ZNF724: variants seen among roughly 807,000 people sequenced by gnomAD.
ZNF724 encodes the protein zinc finger protein 724.
In ZNF724, 14 loss-of-function variants were observed where a neutral mutation model predicts 29.3. The ratio of observed to expected loss-of-function variants is 0.48; its 90% CI spans 0.32 to 0.75. The LOEUF (loss-of-function observed/expected upper bound fraction) is 0.75, where lower values mean the gene tolerates loss of function less well. Ranked by LOEUF, ZNF724 falls within the 30% of genes least tolerant of loss-of-function variation. ZNF724 has a pLI of 0.04. For missense variants in ZNF724, 557 were observed against 571.2 expected, an observed-to-expected ratio of 0.98 and a Z score of 0.25; for synonymous variants, 180 against 193.6, an observed-to-expected ratio of 0.93 and a Z score of 0.58.
At chr19:23,246,271 CAATA>C (rs1386157974) in intron 1 of ZNF724, among the ~76,000 whole-genome samples, 2 of 152,180 alleles carry the variant, frequency 1.3e-5, no homozygotes, top group African/African-American at 2.4e-5. Context: ...TTCTTTCAGA[CAATA>C]AATACTTTAT....
In ZNF724 at chr19:23,232,238, C is replaced by T. The variant is rs1379776019; in HGVS notation, c.59G>A (p.Cys20Tyr). Reference sequence around the variant, plus strand: ...TAAATTCTGCTGTGCAGTGTCCAGGCATTGCCACTCCTCCACAGAGAATTC... The same window carrying T: ...TAAATTCTGCTGTGCAGTGTCCAGGTATTGCCACTCCTCCACAGAGAATTC... ...AIEFSVEEWQ[C>Y]LDTAQQNLYR... The change falls in exon 2 of 4, where the codon TGC becomes TAC. Residue 20 changes from cysteine to tyrosine, a missense_variant. Cys to Tyr is a radical substitution (Grantham distance 194, BLOSUM62 -2). Coordinates refer to ENST00000418100, the MANE Select transcript of ZNF724 (RefSeq NM_001355404.2). 1.5e-6 allele frequency: 2 copies of T among 1,304,510 alleles called. No individual in the cohort carries two copies. Among genetic ancestry groups the T allele is most frequent in the African/African-American group, 2.9e-5 (2 of 68,886 alleles). The allele number at this position is 1,304,510 out of a possible 1,614,324, so 80.8% of individuals were successfully genotyped here. A position where few individuals can be genotyped will look rare whatever the true frequency, so the allele number is the denominator to read the frequency against.
intron 3 of ZNF724, among the ~76,000 whole-genome samples, chr19:23,224,469 C>T (rs1224382062): frequency 6.6e-6 from 1 of 152,008 alleles, no homozygotes; most frequent in African/African-American, 2.4e-5. Context: ...ACCCTAATTT[C>T]CTTATAGACA....
At chr19:23,225,097 A>C (rs1406819117) in intron 3 of ZNF724, among the ~76,000 whole-genome samples, 1 of 152,256 alleles carries the variant, frequency 6.6e-6, no homozygotes, top group South Asian at 2.1e-4. Flanking sequence ...TTTCACACAT[A>C]ATTAAAAATA....
intron 1 of ZNF724, among the ~76,000 whole-genome samples, chr19:23,243,475 C>CAAAAAAAAAAAAAAAAAAAAAAAA (rs61241201): frequency 6.4e-5 from 2 of 31,208 alleles, no homozygotes; most frequent in African/African-American, 3.1e-4. Flanking sequence ...GAGTCCATCT[C>CAAAAAAAAAAAAAAAAAAAAAAAA]AAAAAAAAAA....
chr19:23,227,970 C>T (rs1037863756), intron 3 of ZNF724, among the ~76,000 whole-genome samples: 23 of 151,886 alleles, frequency 1.5e-4, no homozygotes, highest in African/African-American at 9.7e-5. Flanking sequence ...TTTCTTAACC[C>T]GACAGCAAGA....
At chr19:23,249,859 A>ACGCAGCG (rs1205342675) in intron 1 of ZNF724, among the ~76,000 whole-genome samples, 1 of 152,120 alleles carries the variant, frequency 6.6e-6, no homozygotes, top group East Asian at 1.9e-4. Context: ...ATAGGGGGAA[A>ACGCAGCG]GATGAACTGG....
intron 1 of ZNF724, among the ~76,000 whole-genome samples, chr19:23,234,412 T>TAG (rs1355649145): frequency 6.6e-6 from 1 of 152,118 alleles, no homozygotes; most frequent in African/African-American, 2.4e-5. Context: ...ACCAACCTAA[T>TAG]AGAAGTCCAG....
intron 3 of ZNF724, among the ~76,000 whole-genome samples, chr19:23,225,555 G>A (rs993764153): frequency 5.9e-5 from 9 of 152,026 alleles, no homozygotes; most frequent in Non-Finnish European, 1.0e-4. Context: ...CCAATGAGCC[G>A]AGATAGCACC....
Position 23,222,618 on chromosome 19 carries a change from A to C in ZNF724, c.1627T>G (p.Phe543Val), listed in dbSNP as rs779167238. The C allele has an allele frequency of 7.4e-7, 1 of 1,353,658 alleles. No individual in the cohort carries two copies. The highest frequency in any genetic ancestry group is 1.1e-6 in the Non-Finnish European group (1 of 947,194). 83.9% of individuals were successfully genotyped at this position (1,353,658 alleles called of 1,614,324 possible). ...PYKCEECGKAFYQYSNLTQHK... is the reference protein window; with the variant it reads ...PYKCEECGKAVYQYSNLTQHK... ...TGAGTAAGGTTTGAGTATTGGTAAAAAGCTTTGCCACATTCTTCACATTTG... is the reference window on the plus strand; with the variant it reads ...TGAGTAAGGTTTGAGTATTGGTAAACAGCTTTGCCACATTCTTCACATTTG... Residue 543 changes from phenylalanine to valine, a missense_variant, in exon 4 of 4, where the codon TTT becomes GTT. Physicochemically the swap from Phe to Val is conservative, Grantham distance 50. Coordinates refer to ENST00000418100, the MANE Select transcript of ZNF724 (RefSeq NM_001355404.2).
At chr19:23,232,391 C>T in intron 1 of ZNF724, 98 bp from the exon 2 acceptor site, 1 of 679,124 alleles carries the variant, frequency 1.5e-6, no homozygotes, top group South Asian at 1.8e-5. Flanking sequence ...CTCATTCTGA[C>T]TTATAAAAGT....
chr19:23,234,958 G>A (rs1183589805), intron 1 of ZNF724, among the ~76,000 whole-genome samples: 2 of 149,492 alleles, frequency 1.3e-5, no homozygotes, highest in Non-Finnish European at 3.0e-5. Context: ...CAGCACTCTT[G>A]TCACAACACA....
chr19:23,236,933 A>G (rs1161671555), intron 1 of ZNF724: 1 of 151,890 alleles, frequency 6.6e-6, no homozygotes, highest in Non-Finnish European at 1.5e-5. Context: ...GCTCACTGCA[A>G]TCTCCACCTT....
chr19:23,226,001 C>A (rs369794118), intron 3 of ZNF724, among the ~76,000 whole-genome samples: 9 of 151,856 alleles, frequency 5.9e-5, no homozygotes, highest in Non-Finnish European at 1.0e-4. Flanking sequence ...ACAGGCGCAC[C>A]CCACCCCATG....
Position 23,231,258 on chromosome 19 carries a change from T to C in ZNF724, c.226+8A>G. 2 of 1,327,796 alleles carry C rather than the reference T, an allele frequency of 1.5e-6. No homozygotes were observed. The highest frequency in any genetic ancestry group is 2.1e-6 in the Non-Finnish European group (2 of 932,720). 82.3% of individuals were successfully genotyped at this position (1,327,796 alleles called of 1,614,324 possible). On this transcript the variant is annotated splice_region_variant and intron_variant, in intron 3 of 3. Coordinates refer to ENST00000418100, the MANE Select transcript of ZNF724 (RefSeq NM_001355404.2). ...TCTGTGTCATCTGTCATATTCACTC[T>C]CACCTACCTGGGGGTTTGGCCACCA...
chr19:23,249,972 G>A (rs1972320484), intron 1 of ZNF724, among the ~76,000 whole-genome samples: 2 of 152,214 alleles, frequency 1.3e-5, no homozygotes, highest in Admixed American at 6.5e-5. Flanking sequence ...TGGGAGAGAC[G>A]CTGCGCTGCG....
rs760974123 is a variant in ZNF724 at position 23,250,284 on chromosome 19, T to G, written c.-42A>C. On this transcript the variant is annotated 5_prime_UTR_variant, in exon 1 of 4. Coordinates refer to ENST00000418100, the MANE Select transcript of ZNF724 (RefSeq NM_001355404.2). ...GAGGCCCTGGCGTCTTAGCTGTGGA[T>G]CTCCCAATGCTTGCAGGTCAGAGGG... The G allele has an allele frequency of 6.0e-6, 4 of 667,074 alleles. No homozygotes were observed. Among genetic ancestry groups the G allele is most frequent in the Admixed American group, 1.9e-5 (1 of 52,140 alleles). 41.3% of individuals were successfully genotyped at this position (667,074 alleles called of 1,614,324 possible).
intron 1 of ZNF724, among the ~76,000 whole-genome samples, chr19:23,240,271 G>A (rs144189304): frequency 0.018 from 2,092 of 118,612 alleles, 54 homozygotes; most frequent in African/African-American, 0.058. Context: ...GCAACAGAGC[G>A]AGACTCTGTC....
chr19:23,228,016 T>C (rs530284896), intron 3 of ZNF724, among the ~76,000 whole-genome samples: 1 of 152,306 alleles, frequency 6.6e-6, no homozygotes, highest in Admixed American at 6.5e-5. Flanking sequence ...AATGCCTTTA[T>C]GAGAGAGCCA....
chr19:23,230,376 A>G (rs1468829301), intron 3 of ZNF724, among the ~76,000 whole-genome samples: 1 of 152,192 alleles, frequency 6.6e-6, no homozygotes, highest in South Asian at 2.1e-4. Flanking sequence ...TGAAAAACAC[A>G]ATCATAAAAT....
Sources: allele counts gnomAD v4.1 joint callset (sites outside exome capture counted in the v4.1 genomes callset), GRCh38; gene constraint gnomAD v4.1.1; transcripts MANE v1.5; gene names NCBI Gene and HGNC (gene_info 2026-07-23, HGNC 2026-07-21).